Variants in ITGAD observed in about 807,000 individuals in gnomAD.
ITGAD encodes the protein integrin subunit alpha D, also known as integrin alpha-D.
In ITGAD, 105 loss-of-function variants were observed where a neutral mutation model predicts 139.0. That is an observed-to-expected ratio of 0.76 (90% confidence interval 0.65 to 0.89). The LOEUF (loss-of-function observed/expected upper bound fraction) is 0.89, where lower values mean the gene tolerates loss of function less well. Among genes scored for constraint, ITGAD ranks in the 40% least tolerant of loss-of-function variants. The pLI is 0.00. For synonymous variants in ITGAD, 569 were observed against 598.3 expected (o/e 0.95, Z 0.71); for missense variants, 1,384 against 1,487.3 (o/e 0.93, Z 1.14).
rs748475652 is a variant in ITGAD at position 31,397,904 on chromosome 16, C to T, written c.422C>T (p.Thr141Met). The T allele has an allele frequency of 9.9e-6, 16 of 1,610,358 alleles. No homozygotes were observed. In the East Asian group the frequency reaches 1.1e-4, roughly 11 times the overall value. Residue 141 changes from threonine (T) to methionine (M), a missense_variant, in exon 5 of 30, where the codon ACG (threonine) becomes ATG (methionine). Physicochemically the swap from Thr to Met is moderately conservative, Grantham distance 81 (BLOSUM62 -1). Coordinates refer to ENST00000389202, the MANE Select transcript of ITGAD (RefSeq NM_005353.3). ...WEIIQTVPDA[T>M]PECPHQEMDI... ...ATCATCCAGACAGTCCCCGACGCCACGCCAGGTAGGTCCCTGGCAGGCCAT... is the reference window on the plus strand; with the variant it reads ...ATCATCCAGACAGTCCCCGACGCCATGCCAGGTAGGTCCCTGGCAGGCCAT...
Position 31,413,241 on chromosome 16 carries a change from AGCTAGGT to A in ITGAD, c.1993_1996+3del. On this transcript the variant is annotated splice_donor_variant and coding_sequence_variant, in exon 16 of 30. Transcript: ENST00000389202. LOFTEE classifies it high-confidence loss of function. ...ACCATCCAGAAAAGCTCACTGGACC[AGCTAGGT>A]GTGTTTCCCCCATAAAGGGGGCCCA... 6.2e-7 allele frequency: 1 copy of A among 1,614,038 alleles called. No homozygotes were observed. The highest frequency in any genetic ancestry group is 8.5e-7 in the Non-Finnish European group (1 of 1,179,958).
At chr16:31,425,225 C>T (rs1028625924) in intron 29 of ITGAD, among the ~76,000 whole-genome samples, 7 of 152,122 alleles carry the variant, frequency 4.6e-5, no homozygotes, top group Non-Finnish European at 1.0e-4. Context: ...GCACACACCA[C>T]CACACCTGGC....
Position 31,403,654 on chromosome 16 carries a change from C to A in ITGAD, c.704+9C>A. ...GGCATCCTGACAGTGGTGTAAGCAA[C>A]CCCGACCCCAGCCTGGCGATGTGAC... On this transcript the variant is annotated intron_variant, in intron 7 of 29. Coordinates refer to ENST00000389202, the MANE Select transcript of ITGAD (RefSeq NM_005353.3). The surrounding 1 kb of genome is among the most constrained non-coding windows in gnomAD (Gnocchi z 4.4). The A allele has an allele frequency of 6.2e-7, 1 of 1,614,070 alleles. No individual in the cohort carries two copies. The highest frequency in any genetic ancestry group is 8.5e-7 in the Non-Finnish European group (1 of 1,179,962).
At position 31,416,531 on chromosome 16, in the gene ITGAD, C is replaced by G; in HGVS notation, c.2384C>G (p.Ser795Cys). The G allele has an allele frequency of 6.2e-7, 1 of 1,613,460 alleles. No individual in the cohort carries two copies. The highest frequency in any genetic ancestry group is 2.2e-5 in the East Asian group (1 of 44,848). The stretch of plus-strand genomic sequence containing the variant: ...CTGCAGACCCTGACCGTGGGGAGCT[C>G]CCTGGAGCTCAACGTGATTGTGACT... ...SGLQTLTVGS[S>C]LELNVIVTVW... The change falls in exon 20 of 30, where the codon TCC becomes TGC. Residue 795 changes from serine (S) to cysteine (C), a missense_variant. Coordinates refer to ENST00000389202, the MANE Select transcript of ITGAD (RefSeq NM_005353.3).
intron 20 of ITGAD, 63 bp from the exon 21 acceptor site, chr16:31,418,012 T>C (rs2081931932): frequency 7.7e-7 from 1 of 1,290,910 alleles, no homozygotes; most frequent in Non-Finnish European, 1.1e-6. Flanking sequence ...GTGCCACCAC[T>C]GCTGTGTATC....
At position 31,410,525 on chromosome 16, in the gene ITGAD, G is replaced by C; in HGVS notation, c.1213+1G>C. 6.2e-7 allele frequency: 1 copy of C among 1,607,546 alleles called. No individual in the cohort carries two copies. Among genetic ancestry groups the C allele is most frequent in the Non-Finnish European group, 8.5e-7 (1 of 1,176,394 alleles). ...GTGGACATGAGGGACTCTTACCTGG[G>C]TGAGAAACGGCCAGGGGTTGGGGAC... On this transcript the variant is annotated splice_donor_variant, in intron 11 of 29. Transcript: ENST00000389202. LOFTEE classifies it high-confidence loss of function.
rs142055844 is a variant in ITGAD at position 31,423,360 on chromosome 16, C to T, written c.2868C>T (p.Asn956=). The change falls in exon 25 of 30, where the codon AAC becomes AAT. Residue 956 remains asparagine, a synonymous_variant. Transcript: ENST00000389202. ...KEAEHRYRVN[N]LSQRDLAISI... ...GCCTTGATTTCCTGCAGGTGAATAA[C>T]CTCAGCCAGCGAGATCTGGCCATCA... The T allele has an allele frequency of 6.2e-7, 1 of 1,613,968 alleles. No homozygotes were observed. Among genetic ancestry groups the T allele is most frequent in the Admixed American group, 1.7e-5 (1 of 60,016 alleles).
rs145889371 is a variant in ITGAD at position 31,393,350 on chromosome 16, G to T, written c.-11G>T. ...CCAACCTTCCACTTCCCCTCAACGC[G>T]CTGCTCAGGGATGACCTTCGGCACT... On this transcript the variant is annotated 5_prime_UTR_variant, in exon 1 of 30. Coordinates refer to ENST00000389202, the MANE Select transcript of ITGAD (RefSeq NM_005353.3). 6.2e-7 allele frequency: 1 copy of T among 1,614,066 alleles called. No individual in the cohort carries two copies. The highest frequency in any genetic ancestry group is 1.1e-5 in the South Asian group (1 of 91,084).
chr16:31,414,834 GT>G (rs2081842560), intron 17 of ITGAD, 25 bp from the exon 18 acceptor site: 1 of 1,612,170 alleles, frequency 6.2e-7, no homozygotes, highest in Non-Finnish European at 8.5e-7. Flanking sequence ...AGGACAGCAG[GT>G]TCTTGAAAGC....
chr16:31,397,254 C>T (rs746166938), intron 2 of ITGAD, 105 bp from the exon 3 acceptor site: 31 of 736,076 alleles, frequency 4.2e-5, no homozygotes, highest in Non-Finnish European at 6.5e-5. Context: ...GAATTTCCCC[C>T]ACAGAGTCTC....
Position 31,426,286 on chromosome 16 carries a change from T to TA in ITGAD, c.*158_*159insA. On this transcript the variant is annotated 3_prime_UTR_variant, in exon 30 of 30. Coordinates refer to ENST00000389202, the MANE Select transcript of ITGAD (RefSeq NM_005353.3). ...CGGAGAGATAGAGATTGTAATGTTT[T>TA]TACATATCTGTCCATCTTTTTCAGC... 1.7e-6 allele frequency: 1 copy of TA among 572,642 alleles called. No individual in the cohort carries two copies. Among genetic ancestry groups the TA allele is most frequent in the Non-Finnish European group, 3.2e-6 (1 of 317,444 alleles). 35.5% of individuals were successfully genotyped at this position (572,642 alleles called of 1,614,324 possible).
At chr16:31,425,759 G>A (rs892946607) in intron 29 of ITGAD, among the ~76,000 whole-genome samples, 3 of 149,102 alleles carry the variant, frequency 2.0e-5, no homozygotes, top group Non-Finnish European at 3.0e-5. Context: ...CTTGGCTCAC[G>A]GCAACCTCTG....
rs1567342552 is a variant in ITGAD at position 31,412,865 on chromosome 16, AG to A, written c.1737del (p.Arg579SerfsTer9). ...GATTGCCAGCTCCCAGCTCTCCCCC[AG>A]GCTGCAGTATTTTGGGCAGGCGCTG... Reference protein sequence around the residue: ...QRIASSQLSPRLQYFGQALSG... With the variant: ...QRIASSQLSPXLQYFGQALSG... On this transcript the variant is annotated frameshift_variant, in exon 15 of 30. Coordinates refer to ENST00000389202, the MANE Select transcript of ITGAD (RefSeq NM_005353.3). LOFTEE classifies it high-confidence loss of function. 6.2e-7 allele frequency: 1 copy of A among 1,613,906 alleles called. No homozygotes were observed. Among genetic ancestry groups the A allele is most frequent in the Non-Finnish European group, 8.5e-7 (1 of 1,179,966 alleles).
rs999265583 is a variant in ITGAD at position 31,400,205 on chromosome 16, C to A, written c.428-1910C>A. Among the ~76,000 whole-genome samples the A allele has an allele frequency of 1.2e-4, 18 of 152,206 alleles. 1 individual carries two copies. Among genetic ancestry groups the A allele is most frequent in the Admixed American group, 1.0e-3 (16 of 15,270 alleles). On this transcript the variant is annotated intron_variant, in intron 5 of 29. Coordinates refer to ENST00000389202, the MANE Select transcript of ITGAD (RefSeq NM_005353.3). ...GGGGAGCTCCTGGGGGGATCTGCAG[C>A]CTGCCCCATGGATGTCAAGATTTGC...
intron 7 of ITGAD, chr16:31,404,493 C>G (rs1424896607): frequency 6.6e-6 from 1 of 152,232 alleles, no homozygotes; most frequent in Non-Finnish European, 1.5e-5. Context: ...GAACGGTGGC[C>G]CCTTGTGACT....
At position 31,418,119 on chromosome 16, in the gene ITGAD, G is replaced by A; in HGVS notation, c.2544G>A (p.Val848=). ...CCCTGCGCCTGGCATGTGAGACAGT[G>A]CCCACTGAGGATGAGGGCCTAAGAA... ...QSALRLACET[V]PTEDEGLRSS... Residue 848 remains valine (V), a synonymous_variant, in exon 21 of 30, where the codon GTG becomes GTA. Coordinates refer to ENST00000389202, the MANE Select transcript of ITGAD (RefSeq NM_005353.3). 1 of 1,614,060 alleles carries A rather than the reference G, an allele frequency of 6.2e-7. No homozygotes were observed. Among genetic ancestry groups the A allele is most frequent in the Non-Finnish European group, 8.5e-7 (1 of 1,180,006 alleles).
At chr16:31,417,580 A>G (rs904642847) in intron 20 of ITGAD, among the ~76,000 whole-genome samples, 1 of 150,354 alleles carries the variant, frequency 6.7e-6, no homozygotes, top group Non-Finnish European at 1.5e-5. Flanking sequence ...TACTTTCTTT[A>G]CTTTTCTTCT....
At chr16:31,400,928 C>T (rs534867721) in intron 5 of ITGAD, among the ~76,000 whole-genome samples, 1 of 152,226 alleles carries the variant, frequency 6.6e-6, no homozygotes, top group African/African-American at 2.4e-5. Flanking sequence ...GGGCACCGCA[C>T]CCATGGGAGC....
intron 23 of ITGAD, among the ~76,000 whole-genome samples, chr16:31,422,015 C>T (rs1357210147): frequency 2.0e-5 from 3 of 152,078 alleles, no homozygotes; most frequent in Admixed American, 6.6e-5. Flanking sequence ...ACTGCAGCCT[C>T]GACCTCCCAG....
Sources: gnomAD v4.1 joint callset for allele counts (sites outside exome capture counted in the v4.1 genomes callset) on GRCh38, gnomAD v4.1.1 for gene constraint, Gnocchi (gnomAD v3.1) non-coding constraint, MANE v1.5 for transcripts, NCBI Gene and HGNC (gene_info 2026-07-23, HGNC 2026-07-21) for gene names.